The following MLPH variants were observed in gnomAD, a reference collection of about 807,000 sequenced individuals.
MLPH encodes the protein exophilin-3.
Under a neutral mutation model 72.1 loss-of-function variants are expected in MLPH, and 51 were observed. That is an observed-to-expected ratio of 0.71 (90% CI 0.56 to 0.89). The LOEUF is 0.89. Ranked by LOEUF, MLPH falls within the 40% of genes least tolerant of loss-of-function variation. The probability of loss-of-function intolerance (pLI) is 0.00; values close to 1 mark genes in which losing one functional copy is unlikely to be tolerated. For synonymous variants in MLPH, 301 were observed against 310.1 expected (o/e 0.97, Z 0.31); for missense variants, 743 against 759.9 (o/e 0.98, Z 0.26).
chr2:237,520,562 C>G (rs1288192394), intron 6 of MLPH, among the ~76,000 whole-genome samples: 1 of 152,230 alleles, frequency 6.6e-6, no homozygotes, highest in Non-Finnish European at 1.5e-5. Context: ...CCGCCTTACT[C>G]ATTAGCTGTG....
chr2:237,521,110 C>T (rs868129412), intron 6 of MLPH, among the ~76,000 whole-genome samples: 1 of 152,056 alleles, frequency 6.6e-6, no homozygotes, highest in Admixed American at 6.5e-5. Context: ...AAGATGCTGC[C>T]GATTGTTAGA....
chr2:237,540,910 GAC>G lies in MLPH; in HGVS notation c.1401_1402del (p.Asp467GlufsTer20). 1 of 1,611,946 alleles carries G rather than the reference GAC, an allele frequency of 6.2e-7. No homozygotes were observed. Among genetic ancestry groups the G allele is most frequent in the Non-Finnish European group, 8.5e-7 (1 of 1,179,332 alleles). On this transcript the variant is annotated frameshift_variant, in exon 11 of 16. Coordinates refer to ENST00000264605, the MANE Select transcript of MLPH (RefSeq NM_024101.7). LOFTEE classifies it high-confidence loss of function. ...TTDEELSELE[D>X]RVAVTASEVQ... ...AGATGAGGAGCTGTCAGAGCTGGAG[GAC>G]AGAGTGGCAGTGACGGCCTCAGAAG...
intron 13 of MLPH, among the ~76,000 whole-genome samples, chr2:237,547,640 G>A (rs1344043977): frequency 1.4e-5 from 1 of 71,520 alleles, no homozygotes; most frequent in Non-Finnish European, 2.6e-5. Flanking sequence ...CCGTGTTCAG[G>A]TGGAGTGGTT....
upstream of MLPH, among the ~76,000 whole-genome samples, chr2:237,486,977 G>T (rs984771261): frequency 1.3e-5 from 2 of 152,100 alleles, no homozygotes; most frequent in Admixed American, 6.5e-5. Context: ...GGACCGCGGC[G>T]CGATGTCACC....
intron 2 of MLPH, among the ~76,000 whole-genome samples, chr2:237,495,067 C>T (rs1168581315): frequency 6.6e-6 from 1 of 152,156 alleles, no homozygotes; most frequent in African/African-American, 2.4e-5. Flanking sequence ...TGGCTCCTGG[C>T]CCCTCCTCCA....
chr2:237,540,738 C>A, intron 10 of MLPH, 64 bp from the exon 11 acceptor site: 1 of 1,595,636 alleles, frequency 6.3e-7, no homozygotes. Flanking sequence ...TGGTGAGTCC[C>A]CATCTGGGTG....
At chr2:237,525,984 G>A (rs1237810461) in intron 7 of MLPH, among the ~76,000 whole-genome samples, 179 bp downstream of exon 7, 4 of 152,222 alleles carry the variant, frequency 2.6e-5, no homozygotes, top group Non-Finnish European at 4.4e-5. Flanking sequence ...TGCCGTCCCC[G>A]GGACCGGGAT....
At chr2:237,539,659 C>G (rs566445660) in intron 9 of MLPH, among the ~76,000 whole-genome samples, 4 of 152,348 alleles carry the variant, frequency 2.6e-5, no homozygotes, top group African/African-American at 9.6e-5. Context: ...GCCAGTGGAA[C>G]TAGACCCTTT....
At chr2:237,497,109 G>C (rs2079551237) in intron 2 of MLPH, among the ~76,000 whole-genome samples, 1 of 152,210 alleles carries the variant, frequency 6.6e-6, no homozygotes, top group Non-Finnish European at 1.5e-5. Context: ...ACACAGGCTA[G>C]ATCCCTCGCA....
intron 4 of MLPH, among the ~76,000 whole-genome samples, chr2:237,513,098 C>A (rs1035253340): frequency 7.2e-6 from 1 of 138,202 alleles, no homozygotes; most frequent in Non-Finnish European, 1.5e-5. Flanking sequence ...GAAAGCTGTG[C>A]CTTTAAAAAA....
intron 8 of MLPH, among the ~76,000 whole-genome samples, chr2:237,529,719 G>A (rs1345122626): frequency 6.6e-6 from 1 of 152,212 alleles, no homozygotes; most frequent in Non-Finnish European, 1.5e-5. Flanking sequence ...CCAGAGAAGG[G>A]GAAGTGGGGC....
Position 237,506,089 on chromosome 2 carries a change from A to C in MLPH, c.111-4485A>C, listed in dbSNP as rs557405595. On this transcript the variant is annotated intron_variant, in intron 2 of 15. Transcript: ENST00000264605. Reference sequence around the variant, plus strand: ...TTGACTTCGAAATCAGCAGTTCTCAAACCTTTGGGCCTCAGGACCCCTTCA... The same window carrying C: ...TTGACTTCGAAATCAGCAGTTCTCACACCTTTGGGCCTCAGGACCCCTTCA... 3.9e-5 allele frequency among the ~76,000 whole-genome samples: 6 copies of C among 152,306 alleles called. No individual in the cohort carries two copies. In the East Asian group the frequency reaches 9.6e-4, roughly 24 times the overall value.
Position 237,540,338 on chromosome 2 carries a change from G to A in MLPH, c.1105-10G>A. ...TAGCCGAATCCAAATCCACTGGCCT[G>A]TTCTGTCAGGGTCTAGGTGCTGGAG... On this transcript the variant is annotated splice_polypyrimidine_tract_variant and intron_variant, in intron 9 of 15. Coordinates refer to ENST00000264605, the MANE Select transcript of MLPH (RefSeq NM_024101.7). The A allele has an allele frequency of 6.2e-7, 1 of 1,613,394 alleles. No homozygotes were observed. The highest frequency in any genetic ancestry group is 2.2e-5 in the East Asian group (1 of 44,882).
intron 11 of MLPH, among the ~76,000 whole-genome samples, chr2:237,542,352 A>AT (rs2080708924): frequency 6.6e-6 from 1 of 152,136 alleles, no homozygotes; most frequent in Non-Finnish European, 1.5e-5. Flanking sequence ...GGGGTGACCC[A>AT]TAAGGAACAC....
intron 7 of MLPH, 87 bp from the exon 8 acceptor site, chr2:237,527,290 A>C: frequency 2.0e-6 from 3 of 1,537,590 alleles, no homozygotes; most frequent in Non-Finnish European, 2.7e-6. Flanking sequence ...ATTTTCTTTG[A>C]GCCTCATTTT....
At chr2:237,549,412 T>C in intron 14 of MLPH, 134 bp downstream of exon 14, 1 of 931,866 alleles carries the variant, frequency 1.1e-6, no homozygotes, top group Non-Finnish European at 1.8e-6. Flanking sequence ...CAAAAAACAT[T>C]CCCAGTGCCG....
intron 6 of MLPH, among the ~76,000 whole-genome samples, chr2:237,521,776 T>G (rs953142279): frequency 7.9e-6 from 1 of 126,886 alleles, no homozygotes; most frequent in Non-Finnish European, 1.5e-5. Context: ...GGTTGGGCCT[T>G]CAAACACCTG....
At position 237,518,227 on chromosome 2, in the gene MLPH, G is replaced by A. The variant is rs975634468; in HGVS notation, c.446-312G>A. The A allele has an allele frequency of 2.6e-4, 119 of 459,952 alleles. 1 individual carries two copies. The highest frequency in any genetic ancestry group is 2.1e-3 in the African/African-American group (104 of 50,278). 28.5% of individuals were successfully genotyped at this position (459,952 alleles called of 1,614,324 possible). A position where few individuals can be genotyped will look rare whatever the true frequency, so the allele number is the denominator to read the frequency against. Reference sequence around the variant, plus strand: ...GAATAGATGGGTGGAGGATAGATAGGTGGGTGTATGGGTGGGTGGATGGAT... The same window carrying A: ...GAATAGATGGGTGGAGGATAGATAGATGGGTGTATGGGTGGGTGGATGGAT... On this transcript the variant is annotated intron_variant, in intron 4 of 15. Transcript: ENST00000264605.
intron 15 of MLPH, among the ~76,000 whole-genome samples, chr2:237,552,847 G>A (rs541761242): frequency 1.1e-4 from 16 of 152,112 alleles, no homozygotes; most frequent in Admixed American, 2.0e-4. Context: ...GTGTGGCTGC[G>A]TTCACCCCTG....
Sources: allele counts gnomAD v4.1 joint callset (sites outside exome capture counted in the v4.1 genomes callset), GRCh38; gene constraint gnomAD v4.1.1; transcripts MANE v1.5; gene names NCBI Gene and HGNC (gene_info 2026-07-23, HGNC 2026-07-21).